Variants in SORCS3 observed in about 807,000 individuals in gnomAD.
SORCS3 encodes sortilin related VPS10 domain containing receptor 3.
Under a neutral mutation model 146.3 loss-of-function variants are expected in SORCS3, and 57 were observed. The observed-to-expected ratio is 0.39, with a 90% CI of 0.31 to 0.49. The LOEUF is 0.49. Ranked by LOEUF, SORCS3 falls within the 20% of genes least tolerant of loss-of-function variation. The pLI is 0.92. For missense variants in SORCS3, 1,341 were observed against 1,575.5 expected (o/e 0.85, Z 2.52); for synonymous variants, 653 against 618.5 (o/e 1.06, Z -0.83).
intron 20 of SORCS3, among the ~76,000 whole-genome samples, chr10:105,226,436 C>T (rs997527739): frequency 1.6e-4 from 24 of 151,728 alleles, no homozygotes; most frequent in South Asian, 2.1e-4. Flanking sequence ...TTTTTTCTGA[C>T]GTGCTGTTGG....
At chr10:104,657,201 C>G (rs1238067472) in intron 1 of SORCS3, among the ~76,000 whole-genome samples, 1 of 152,100 alleles carries the variant, frequency 6.6e-6, no homozygotes, top group Non-Finnish European at 1.5e-5. Context: ...ATAGCCATTC[C>G]CAGCCAAGCC....
intron 2 of SORCS3, among the ~76,000 whole-genome samples, chr10:104,905,813 CAGA>C (rs2018899399): frequency 6.6e-6 from 1 of 152,140 alleles, no homozygotes; most frequent in Non-Finnish European, 1.5e-5. Context: ...AGGATGGCGG[CAGA>C]AGGAGACACT....
At chr10:105,167,123 C>A (rs543868202) in intron 12 of SORCS3, 135 bp from the exon 13 acceptor site, 3 of 645,410 alleles carry the variant, frequency 4.6e-6, no homozygotes, top group Non-Finnish European at 5.2e-6. Context: ...ATAATACTTG[C>A]AAAAACTATC....
At chr10:105,157,092 G>T (rs376687092) in intron 9 of SORCS3, 46 bp from the exon 10 acceptor site, 14 of 1,602,140 alleles carry the variant, frequency 8.7e-6, no homozygotes, top group East Asian at 6.7e-5. Context: ...AAGACCAAAG[G>T]CATGTTGGCC....
At chr10:104,774,993 A>C (rs1327285623) in intron 1 of SORCS3, among the ~76,000 whole-genome samples, 2 of 152,184 alleles carry the variant, frequency 1.3e-5, no homozygotes, top group Non-Finnish European at 2.9e-5. Context: ...ATTTCTTGTT[A>C]GTCAAGAATA....
At chr10:105,072,329 AG>A (rs1353451132) in intron 5 of SORCS3, among the ~76,000 whole-genome samples, 2 of 152,204 alleles carry the variant, frequency 1.3e-5, no homozygotes, top group Non-Finnish European at 2.9e-5. Context: ...GAGAAATTAA[AG>A]ATGAAAAAGC....
chr10:105,204,470 A>G (rs373224240), intron 16 of SORCS3, among the ~76,000 whole-genome samples: 9 of 152,304 alleles, frequency 5.9e-5, no homozygotes, highest in African/African-American at 1.4e-4. Flanking sequence ...CCTCAACACT[A>G]AAACAATTTC....
At chr10:104,741,449 G>A (rs2016841498) in intron 1 of SORCS3, among the ~76,000 whole-genome samples, 1 of 151,972 alleles carries the variant, frequency 6.6e-6, no homozygotes. Context: ...CCTGTATGGA[G>A]TTTGTCAAGC....
At chr10:105,061,738 G>C (rs930314138) in intron 5 of SORCS3, among the ~76,000 whole-genome samples, 5 of 152,084 alleles carry the variant, frequency 3.3e-5, no homozygotes, top group African/African-American at 1.2e-4. Context: ...ATATGGCATG[G>C]GTGGAGAAAG....
intron 14 of SORCS3, among the ~76,000 whole-genome samples, chr10:105,187,006 C>T (rs2056481444): frequency 6.6e-6 from 1 of 152,148 alleles, no homozygotes; most frequent in African/African-American, 2.4e-5. Flanking sequence ...GACTTATCTT[C>T]TACAGGTTCA....
intron 4 of SORCS3, among the ~76,000 whole-genome samples, chr10:104,987,470 A>G (rs370193002): frequency 1.2e-4 from 19 of 152,292 alleles, no homozygotes; most frequent in African/African-American, 4.1e-4. Context: ...TTAGATGTGA[A>G]TGGGGCTGAT....
At chr10:105,251,644 CAG>C (rs1403886206) in intron 22 of SORCS3, among the ~76,000 whole-genome samples, 1 of 152,066 alleles carries the variant, frequency 6.6e-6, no homozygotes, top group East Asian at 1.9e-4. Context: ...TTTGGATTGA[CAG>C]AAGAGGTGGT....
chr10:104,970,986 A>G (rs2054857400), intron 3 of SORCS3, among the ~76,000 whole-genome samples: 1 of 152,242 alleles, frequency 6.6e-6, no homozygotes, highest in African/African-American at 2.4e-5. Context: ...TGCAAAGATA[A>G]GAAAAACTCT....
intron 2 of SORCS3, among the ~76,000 whole-genome samples, chr10:104,855,343 G>C (rs1299929083): frequency 6.6e-6 from 1 of 152,118 alleles, no homozygotes. Flanking sequence ...GCTTGTCTCT[G>C]TTTGCCAAAA....
intron 14 of SORCS3, among the ~76,000 whole-genome samples, chr10:105,186,201 A>G (rs1279744785): frequency 2.0e-5 from 3 of 152,214 alleles, no homozygotes; most frequent in African/African-American, 2.4e-5. Flanking sequence ...CACTCTTATT[A>G]TGCAACAATA....
chr10:104,918,833 C>T (rs1222878409), intron 3 of SORCS3, among the ~76,000 whole-genome samples: 1 of 152,212 alleles, frequency 6.6e-6, no homozygotes, highest in African/African-American at 2.4e-5. Flanking sequence ...ATCGTATTTT[C>T]ATGTAGATGA....
chr10:104,747,523 A>T (rs1250611505), intron 1 of SORCS3, among the ~76,000 whole-genome samples: 1 of 152,194 alleles, frequency 6.6e-6, no homozygotes, highest in Non-Finnish European at 1.5e-5. Flanking sequence ...TCTATGACAG[A>T]TGCATGGAGT....
At chr10:104,967,187 G>C (rs545684752) in intron 3 of SORCS3, among the ~76,000 whole-genome samples, 2 of 152,142 alleles carry the variant, frequency 1.3e-5, no homozygotes, top group African/African-American at 4.8e-5. Flanking sequence ...ATTGTGTTTA[G>C]CAAATTGACA....
At position 104,848,493 on chromosome 10, in the gene SORCS3, A is replaced by G. The variant is rs577282025; in HGVS notation, c.695+5634A>G. Among the ~76,000 whole-genome samples the G allele has an allele frequency of 2.6e-5, 4 of 152,296 alleles. No homozygotes were observed. In the South Asian group the frequency reaches 6.2e-4, roughly 24 times the overall value. ...CCTCCCTCTACAGCTGCTCACCCCA[A>G]TTCCTTGGTGGAATTCCTGCTGAAT... On this transcript the variant is annotated intron_variant, in intron 2 of 26. Transcript: ENST00000369701.
Sources: gnomAD v4.1 joint callset for allele counts (sites outside exome capture counted in the v4.1 genomes callset) on GRCh38, gnomAD v4.1.1 for gene constraint, MANE v1.5 for transcripts, NCBI Gene and HGNC (gene_info 2026-07-23, HGNC 2026-07-21) for gene names.